TESK2: variants seen among roughly 807,000 people sequenced by gnomAD.
TESK2 encodes testis associated actin remodelling kinase 2.
TESK2 carries 39 observed loss-of-function variants against 57.1 expected under a neutral mutation model. The ratio of observed to expected loss-of-function variants is 0.68; its 90% CI spans 0.53 to 0.89. The LOEUF is 0.89. TESK2 is among the 40% of genes least tolerant of loss of function. The pLI is 0.00. For synonymous variants in TESK2, 249 were observed against 267.9 expected (o/e 0.93, Z 0.69); for missense variants, 646 against 732.1 (o/e 0.88, Z 1.36).
At position 45,344,205 on chromosome 1, in the gene TESK2, C is replaced by T. The variant is rs1647103622; in HGVS notation, c.*635G>A. ...TCTTATGGGGCAGAACATTAAGACT[C>T]CTTTATAAATATGAAAATAGATTAA... On this transcript the variant is annotated 3_prime_UTR_variant, in exon 11 of 11. Coordinates refer to ENST00000372086, the MANE Select transcript of TESK2 (RefSeq NM_007170.3). 6.3e-6 allele frequency: 1 copy of T among 158,400 alleles called. No individual in the cohort carries two copies. Among genetic ancestry groups the T allele is most frequent in the South Asian group, 1.9e-4 (1 of 5,352 alleles). The allele number at this position is 158,400 out of a possible 1,614,324, so 9.8% of individuals were successfully genotyped here. A position where few individuals can be genotyped will look rare whatever the true frequency, so the allele number is the denominator to read the frequency against.
chr1:45,469,446 C>A (rs1054642240), intron 1 of TESK2, among the ~76,000 whole-genome samples: 10 of 152,302 alleles, frequency 6.6e-5, no homozygotes, highest in African/African-American at 2.2e-4. Context: ...AAAAAGAAAT[C>A]AAAATCCTGA....
chr1:45,361,210 A>G (rs1647671895), intron 4 of TESK2, among the ~76,000 whole-genome samples: 1 of 152,150 alleles, frequency 6.6e-6, no homozygotes, highest in Non-Finnish European at 1.5e-5. Flanking sequence ...TGTGGCCTCT[A>G]AACAAATCCC....
At chr1:45,358,095 C>T (rs1257213817) in intron 4 of TESK2, among the ~76,000 whole-genome samples, 2 of 150,000 alleles carry the variant, frequency 1.3e-5, no homozygotes, top group Non-Finnish European at 3.0e-5. Context: ...GGGCAGATCA[C>T]GAGGTCAGGA....
At chr1:45,459,611 G>A (rs1438776296) in intron 1 of TESK2, among the ~76,000 whole-genome samples, 2 of 152,168 alleles carry the variant, frequency 1.3e-5, no homozygotes, top group African/African-American at 2.4e-5. Context: ...GGAGGCCAAG[G>A]CAAGAGGATC....
chr1:45,421,414 A>C (rs955789206), intron 3 of TESK2, among the ~76,000 whole-genome samples: 1 of 152,232 alleles, frequency 6.6e-6, no homozygotes, highest in African/African-American at 2.4e-5. Flanking sequence ...AACCACATAA[A>C]GACCAATCTC....
At chr1:45,487,733 TG>T (rs1653542050) in intron 1 of TESK2, among the ~76,000 whole-genome samples, 1 of 152,228 alleles carries the variant, frequency 6.6e-6, no homozygotes, top group Non-Finnish European at 1.5e-5. Flanking sequence ...TCAATAGCAG[TG>T]TAAAGTTGCT....
chr1:45,445,870 T>A (rs144806150), intron 2 of TESK2, among the ~76,000 whole-genome samples: 1 of 151,544 alleles, frequency 6.6e-6, no homozygotes, highest in Non-Finnish European at 1.5e-5. Context: ...ACTCTAAGAG[T>A]TGCAACTAAT....
At chr1:45,456,538 T>C (rs1387637565) in intron 2 of TESK2, among the ~76,000 whole-genome samples, 1 of 150,752 alleles carries the variant, frequency 6.6e-6, no homozygotes, top group Admixed American at 6.6e-5. Context: ...AAAAATAAAA[T>C]AAAATAAAGG....
chr1:45,368,788 G>A (rs1648059113), intron 4 of TESK2, among the ~76,000 whole-genome samples: 1 of 151,764 alleles, frequency 6.6e-6, no homozygotes, highest in Admixed American at 6.6e-5. Flanking sequence ...TGTTCTTGTT[G>A]CCCAGGCTGG....
intron 3 of TESK2, among the ~76,000 whole-genome samples, chr1:45,418,384 ATCAATTACCTTATCAT>A (rs1650333837): frequency 6.6e-6 from 1 of 152,214 alleles, no homozygotes; most frequent in Non-Finnish European, 1.5e-5. Flanking sequence ...GCATCTTGTC[ATCAATTACCTTATCAT>A]TCTAGTTTCT....
chr1:45,403,858 A>G (rs1287822919), intron 3 of TESK2, among the ~76,000 whole-genome samples: 2 of 138,556 alleles, frequency 1.4e-5, no homozygotes, highest in East Asian at 2.4e-4. Context: ...TTTAAATCAC[A>G]TTGCTCAAAA....
chr1:45,460,332 A>T (rs531612279), intron 1 of TESK2, among the ~76,000 whole-genome samples: 2 of 152,280 alleles, frequency 1.3e-5, no homozygotes, highest in East Asian at 3.9e-4. Context: ...AGCTTGGCCA[A>T]CATGGCAAAA....
intron 2 of TESK2, among the ~76,000 whole-genome samples, chr1:45,425,869 G>T (rs947759191): frequency 7.2e-5 from 11 of 152,190 alleles, no homozygotes; most frequent in African/African-American, 2.6e-4. Context: ...GCTGGGCCGG[G>T]TGCAGTAGCT....
In TESK2 at chr1:45,401,878, A is replaced by G. The variant is rs541023299; in HGVS notation, c.345-15918T>C. 2.0e-4 allele frequency among the ~76,000 whole-genome samples: 30 copies of G among 152,268 alleles called. No homozygotes were observed. In the South Asian group the frequency reaches 5.8e-3, roughly 29 times the overall value. ...ACAAGCTTTTCTGCTGCCAACGTTG[A>G]GCAGTAAGCAGCATACATATCATAG... On this transcript the variant is annotated intron_variant, in intron 3 of 10. Coordinates refer to ENST00000372086, the MANE Select transcript of TESK2 (RefSeq NM_007170.3).
intron 1 of TESK2, among the ~76,000 whole-genome samples, chr1:45,467,675 A>G (rs1652609518): frequency 6.6e-6 from 1 of 151,690 alleles, no homozygotes; most frequent in African/African-American, 2.4e-5. Context: ...TGCAACAGCT[A>G]TGTAGCATGC....
At chr1:45,415,206 T>G (rs1650190054) in intron 3 of TESK2, 1 of 1,505,388 alleles carries the variant, frequency 6.6e-7, no homozygotes. Flanking sequence ...AGGGTTTATG[T>G]GTCCGGTTGG....
At chr1:45,345,842 A>G in intron 10 of TESK2, 35 bp downstream of exon 10, 1 of 1,555,910 alleles carries the variant, frequency 6.4e-7, no homozygotes, top group Non-Finnish European at 8.9e-7. Context: ...TTCCTCCCTT[A>G]GGGTTAGGTT....
At chr1:45,367,212 G>A (rs988055750) in intron 4 of TESK2, among the ~76,000 whole-genome samples, 4 of 152,080 alleles carry the variant, frequency 2.6e-5, no homozygotes, top group African/African-American at 9.7e-5. Flanking sequence ...TCAGGCAAAA[G>A]ACTGAGTCTG....
chr1:45,432,639 C>T (rs374198018), intron 2 of TESK2, among the ~76,000 whole-genome samples: 10 of 148,452 alleles, frequency 6.7e-5, no homozygotes, highest in Admixed American at 1.3e-4. Context: ...TGCAGTGAGC[C>T]GAGATCAAGC....
Sources: allele counts gnomAD v4.1 joint callset (sites outside exome capture counted in the v4.1 genomes callset), GRCh38; gene constraint gnomAD v4.1.1; transcripts MANE v1.5; gene names NCBI Gene and HGNC (gene_info 2026-07-23, HGNC 2026-07-21).